Variants in SLC1A5 observed in about 807,000 individuals in gnomAD.
SLC1A5 encodes the protein neutral amino acid transporter B(0).
Under a neutral mutation model 34.9 loss-of-function variants are expected in SLC1A5, and 25 were observed. The ratio of observed to expected loss-of-function variants is 0.72; its 90% confidence interval spans 0.52 to 1.00. The LOEUF (loss-of-function observed/expected upper bound fraction) is 1.00. Ranked by LOEUF, SLC1A5 falls within the 50% of genes least tolerant of loss-of-function variation. SLC1A5 has a pLI of 0.00. For synonymous variants in SLC1A5, 351 were observed against 341.2 expected, an observed-to-expected ratio of 1.03 and a Z score of -0.32; for missense variants, 637 against 740.0, an observed-to-expected ratio of 0.86 and a Z score of 1.61.
intron 7 of SLC1A5, chr19:46,776,687 C>G (rs992857502): frequency 1.2e-5 from 4 of 333,008 alleles, no homozygotes; most frequent in African/African-American, 8.4e-5. Flanking sequence ...TTAAGCACTT[C>G]CCGAGGTCAC....
At position 46,784,538 on chromosome 19, in the gene SLC1A5, C is replaced by T; in HGVS notation, c.588G>A (p.Leu196=). The T allele has an allele frequency of 6.2e-7, 1 of 1,614,026 alleles. No individual in the cohort carries two copies. Among genetic ancestry groups the T allele is most frequent in the Non-Finnish European group, 8.5e-7 (1 of 1,180,008 alleles). ...TCACTGAGCGAAAGGCTGCTGACAC[C>T]AGGTTGGAAGGGAAGATATTTCTGC... ...DLARNIFPSN[L]VSAAFRSYST... is the part of the protein sequence containing the mutation. The change falls in exon 2 of 8, where the codon CTG becomes CTA. Residue 196 remains leucine, a synonymous_variant. Coordinates refer to ENST00000542575, the MANE Select transcript of SLC1A5 (RefSeq NM_005628.3).
At position 46,780,606 on chromosome 19, in the gene SLC1A5, C is replaced by T. The variant is rs547658264; in HGVS notation, c.825-1698G>A. Among the ~76,000 whole-genome samples the T allele has an allele frequency of 4.0e-5, 6 of 151,834 alleles. No homozygotes were observed. The South Asian group carries it at 6.2e-4, about 16-fold the overall frequency. On this transcript the variant is annotated intron_variant, in intron 4 of 7. Transcript: ENST00000542575. Reference sequence around the variant, plus strand: ...CTCCTGGCCTCAAGCAATCCTCCCCCCTCAGCCTCCCAAAGTGCTGGGATT... The same window carrying T: ...CTCCTGGCCTCAAGCAATCCTCCCCTCTCAGCCTCCCAAAGTGCTGGGATT...
intron 7 of SLC1A5, among the ~76,000 whole-genome samples, 192 bp from the exon 8 acceptor site, chr19:46,775,939 G>A (rs2055084962): frequency 6.6e-6 from 1 of 151,462 alleles, no homozygotes; most frequent in African/African-American, 2.4e-5. Flanking sequence ...AAATTAGCCA[G>A]GCATGGTAGT....
Position 46,777,401 on chromosome 19 carries a change from C to G in SLC1A5, c.1063G>C (p.Ala355Pro). ...ATAFGTSSSS[A>P]TLPLMMKCVE... ...CACTTCATCATCAGCGGCAGCGTGG[C>G]GGAACTGCAAGGGATGGGGGAGCTG... Residue 355 changes from alanine to proline, a missense_variant, in exon 6 of 8, where the codon GCC (alanine) becomes CCC (proline). Ala to Pro is a conservative substitution (Grantham distance 27). Coordinates refer to ENST00000542575, the MANE Select transcript of SLC1A5 (RefSeq NM_005628.3). 6.2e-7 allele frequency: 1 copy of G among 1,605,954 alleles called. No individual in the cohort carries two copies. The highest frequency in any genetic ancestry group is 8.5e-7 in the Non-Finnish European group (1 of 1,175,930).
chr19:46,777,272 C>A lies in SLC1A5; in HGVS notation c.1192G>T (p.Ala398Ser), dbSNP rs757844774. Residue 398 changes from alanine to serine, a missense_variant, in exon 6 of 8, where the codon GCA (alanine) becomes TCA (serine). Physicochemically the swap from Ala to Ser is moderately conservative, Grantham distance 99. Coordinates refer to ENST00000542575, the MANE Select transcript of SLC1A5 (RefSeq NM_005628.3). ...TGGCTGAGCTGTGCAATGAACACTG[C>A]GGCCACGCACTGGAAGAGCGCGGCA... ...DGAALFQCVAAVFIAQLSQQS... is the reference protein window; with the variant it reads ...DGAALFQCVASVFIAQLSQQS... The A allele has an allele frequency of 1.9e-6, 3 of 1,612,738 alleles. 1 individual carries two copies. The highest frequency in any genetic ancestry group is 2.5e-6 in the Non-Finnish European group (3 of 1,179,574).
Position 46,775,065 on chromosome 19 carries a change from ACACACACACACACACACACACACACGTG to A in SLC1A5, c.*417_*444del. ...AGGAGGTCACAGAACACACACACAC[ACACACACACACACACACACACACACGTG>A]CACACACACATCCCCCCACAACTAC... On this transcript the variant is annotated 3_prime_UTR_variant, in exon 8 of 8. Transcript: ENST00000542575. 1.2e-6 allele frequency: 1 copy of A among 832,544 alleles called. No homozygotes were observed. The highest frequency in any genetic ancestry group is 1.5e-6 in the Non-Finnish European group (1 of 689,608). 51.6% of individuals were successfully genotyped at this position (832,544 alleles called of 1,614,324 possible). A position where few individuals can be genotyped will look rare whatever the true frequency, so the allele number is the denominator to read the frequency against.
At chr19:46,785,245 G>A (rs1339232429) in intron 1 of SLC1A5, among the ~76,000 whole-genome samples, 2 of 152,154 alleles carry the variant, frequency 1.3e-5, no homozygotes, top group Non-Finnish European at 2.9e-5. Flanking sequence ...GCCAGGCATG[G>A]TGGCATGTGC....
At position 46,775,536 on chromosome 19, in the gene SLC1A5, C is replaced by T. The variant is rs200679292; in HGVS notation, c.1600G>A (p.Ala534Thr). 81 of 1,612,362 alleles carry T rather than the reference C, an allele frequency of 5.0e-5. 1 individual carries two copies. The highest frequency in any genetic ancestry group is 6.7e-5 in the African/African-American group (5 of 75,038). ...YRGPAGDATV[A>T]SEKESVM The stretch of plus-strand genomic sequence containing the variant: ...TACATGACTGATTCCTTCTCAGAGG[C>T]GACCGTGGCATCCCCTGCGGGCCCC... Residue 534 changes from alanine (A) to threonine (T), a missense_variant, in exon 8 of 8, where the codon GCC becomes ACC. By Grantham distance (58) the Ala-to-Thr change is moderately conservative (BLOSUM62 0). Coordinates refer to ENST00000542575, the MANE Select transcript of SLC1A5 (RefSeq NM_005628.3).
chr19:46,782,342 T>TGCCACCCCCCCCCCCCCCCCCCAC, intron 4 of SLC1A5, 41 bp downstream of exon 4: 1 of 523,372 alleles, frequency 1.9e-6, no homozygotes. Context: ...AGACCGACCC[T>TGCCACCCCCCCCCCCCCCCCCCAC]CCAACCCCAC....
At position 46,778,959 on chromosome 19, in the gene SLC1A5, G is replaced by T. The variant is rs772413540; in HGVS notation, c.825-51C>A. On this transcript the variant is annotated intron_variant, in intron 4 of 7. Coordinates refer to ENST00000542575, the MANE Select transcript of SLC1A5 (RefSeq NM_005628.3). Reference sequence around the variant, plus strand: ...TGTTGCCTCTTCCACGGGCCCAGTGGCCAGGCGTGAGGCTCAGCACCCTAC... The same window carrying T: ...TGTTGCCTCTTCCACGGGCCCAGTGTCCAGGCGTGAGGCTCAGCACCCTAC... The T allele has an allele frequency of 4.3e-6, 6 of 1,394,234 alleles. No homozygotes were observed. In the African/African-American group the frequency reaches 8.7e-5, roughly 20 times the overall value. The allele number at this position is 1,394,234 out of a possible 1,614,324, so 86.4% of individuals were successfully genotyped here. A position where few individuals can be genotyped will look rare whatever the true frequency, so the allele number is the denominator to read the frequency against.
chr19:46,777,174 G>C, intron 6 of SLC1A5, 37 bp downstream of exon 6: 2 of 1,602,296 alleles, frequency 1.2e-6, no homozygotes, highest in East Asian at 2.2e-5. Flanking sequence ...GGTCAACAGG[G>C]GTCCGGGGGT....
intron 3 of SLC1A5, among the ~76,000 whole-genome samples, chr19:46,783,600 C>T (rs1303223163): frequency 6.6e-6 from 1 of 152,160 alleles, no homozygotes; most frequent in Non-Finnish European, 1.5e-5. Flanking sequence ...AGTGCAAGAC[C>T]AGCCTGGGCA....
At chr19:46,782,705 A>G (rs566304991) in intron 3 of SLC1A5, among the ~76,000 whole-genome samples, 156 bp from the exon 4 acceptor site, 39 of 152,128 alleles carry the variant, frequency 2.6e-4, no homozygotes, top group Non-Finnish European at 4.6e-4. Flanking sequence ...GGGGAAATAT[A>G]TTAGTCGTCA....
chr19:46,780,384 C>T (rs1599731486), intron 4 of SLC1A5, among the ~76,000 whole-genome samples: 1 of 151,776 alleles, frequency 6.6e-6, no homozygotes, highest in East Asian at 2.0e-4. Context: ...TAGACAGTCT[C>T]GTTCTGTTGC....
Position 46,784,162 on chromosome 19 carries a change from AAG to A in SLC1A5, c.610-20_610-19del, listed in dbSNP as rs751495437. The A allele has an allele frequency of 2.5e-6, 4 of 1,605,142 alleles. No individual in the cohort carries two copies. The South Asian group carries it at 4.4e-5, about 18-fold the overall frequency. On this transcript the variant is annotated intron_variant, in intron 2 of 7. Transcript: ENST00000542575. Reference sequence around the variant, plus strand: ...GTAGAGTACTGTAGGTGGGGTTGGGAAGAGTCAGTGTCCATCGTTACCAGGGC... The same window carrying A: ...GTAGAGTACTGTAGGTGGGGTTGGGAAGTCAGTGTCCATCGTTACCAGGGC...
Position 46,788,058 on chromosome 19 carries a change from G to A in SLC1A5, c.-93C>T. 1 of 1,208,442 alleles carries A rather than the reference G, an allele frequency of 8.3e-7. No homozygotes were observed. The highest frequency in any genetic ancestry group is 1.1e-6 in the Non-Finnish European group (1 of 881,294). 74.9% of individuals were successfully genotyped at this position (1,208,442 alleles called of 1,614,324 possible). A position where few individuals can be genotyped will look rare whatever the true frequency, so the allele number is the denominator to read the frequency against. On this transcript the variant is annotated 5_prime_UTR_variant, in exon 1 of 8. Coordinates refer to ENST00000542575, the MANE Select transcript of SLC1A5 (RefSeq NM_005628.3). The stretch of plus-strand genomic sequence containing the variant: ...CCCGACGTTCCTAGGACTGAGTTGA[G>A]TAACAGCACCTGGAGACTGGAACTT...
chr19:46,782,342 T>TGCCACCCCCCCCCCCCCCCCCCC, intron 4 of SLC1A5, 41 bp downstream of exon 4: 6 of 523,370 alleles, frequency 1.1e-5, no homozygotes, highest in Non-Finnish European at 1.4e-5. Context: ...AGACCGACCC[T>TGCCACCCCCCCCCCCCCCCCCCC]CCAACCCCAC....
chr19:46,782,373 CACCACCTA>C lies in SLC1A5; in HGVS notation c.824+2_824+9del. On this transcript the variant is annotated splice_donor_variant and splice_donor_5th_base_variant and intron_variant, in intron 4 of 7. Transcript: ENST00000542575. LOFTEE classifies it high-confidence loss of function. Reference sequence around the variant, plus strand: ...CCCACCCACCCCCAGCCTCCTCTCCCACCACCTACCACATGATCCAGGAGACCAGAACC... The same window carrying C: ...CCCACCCACCCCCAGCCTCCTCTCCCCCACATGATCCAGGAGACCAGAACC... The C allele has an allele frequency of 6.2e-7, 1 of 1,602,350 alleles. No individual in the cohort carries two copies. Among genetic ancestry groups the C allele is most frequent in the Non-Finnish European group, 8.5e-7 (1 of 1,172,306 alleles).
intron 4 of SLC1A5, among the ~76,000 whole-genome samples, chr19:46,781,326 C>T (rs548236381): frequency 3.9e-5 from 6 of 152,314 alleles, no homozygotes; most frequent in East Asian, 1.9e-4. Flanking sequence ...AGTCCGGGCG[C>T]GGTGGCTCAC....
Sources: allele counts gnomAD v4.1 joint callset (sites outside exome capture counted in the v4.1 genomes callset), GRCh38; gene constraint gnomAD v4.1.1; transcripts MANE v1.5; gene names NCBI Gene and HGNC (gene_info 2026-07-23, HGNC 2026-07-21).